The following STIM1 variants were observed in gnomAD, a reference collection of about 807,000 sequenced individuals.
The protein encoded by STIM1 is stromal interaction molecule 1.
A neutral mutation model predicts 74.7 loss-of-function variants in STIM1; 25 were observed. That is an observed-to-expected ratio of 0.33 (90% CI 0.24 to 0.47). STIM1 has a LOEUF of 0.47. Among genes scored for constraint, STIM1 ranks in the 20% least tolerant of loss-of-function variants. The pLI, the probability that STIM1 is intolerant of heterozygous loss-of-function variation, is 1.00. For synonymous variants in STIM1, 328 were observed against 348.8 expected (o/e 0.94, Z 0.66); for missense variants, 728 against 920.8 (o/e 0.79, Z 2.71).
chr11:4,091,696 T>A lies in STIM1; in HGVS notation c.2049T>A (p.Ala683=). The part of the protein sequence containing the change: ...TRIPHLAGKK[A]VAEEDNGSIG... ...TTCCCCACCTGGCTGGCAAGAAGGC[T>A]GTGGCTGAGGAGGATAATGGCTCTA... Residue 683 remains alanine (A), a synonymous_variant, in exon 13 of 13, where the codon GCT becomes GCA. Coordinates refer to ENST00000526596, the MANE Select transcript of STIM1 (RefSeq NM_001382567.1). 1 of 1,614,178 alleles carries A rather than the reference T, an allele frequency of 6.2e-7. No homozygotes were observed. Among genetic ancestry groups the A allele is most frequent in the South Asian group, 1.1e-5 (1 of 91,088 alleles).
intron 2 of STIM1, among the ~76,000 whole-genome samples, chr11:4,013,817 G>A (rs1355315385): frequency 6.9e-6 from 1 of 143,988 alleles, no homozygotes; most frequent in East Asian, 2.1e-4. Context: ...CCATTCTCCT[G>A]CCTCCGCCTC....
At chr11:3,871,526 C>A (rs2091097235) in intron 1 of STIM1, among the ~76,000 whole-genome samples, 1 of 152,070 alleles carries the variant, frequency 6.6e-6, no homozygotes, top group Admixed American at 6.5e-5. Context: ...GCTGTTTTGT[C>A]CAATATCTAG....
intron 1 of STIM1, among the ~76,000 whole-genome samples, chr11:3,863,496 G>T (rs1398438975): frequency 6.6e-6 from 1 of 151,738 alleles, no homozygotes; most frequent in Non-Finnish European, 1.5e-5. Flanking sequence ...GGACTCAAGG[G>T]ATCTTCCCAG....
chr11:4,061,094 TTGTAATA>T (rs1386338467), intron 5 of STIM1, among the ~76,000 whole-genome samples: 1 of 152,234 alleles, frequency 6.6e-6, no homozygotes, highest in Non-Finnish European at 1.5e-5. Context: ...TTCCTTAGCC[TTGTAATA>T]TATATTATCA....
intron 1 of STIM1, among the ~76,000 whole-genome samples, chr11:3,864,466 A>G (rs1404628572): frequency 6.6e-6 from 1 of 152,092 alleles, no homozygotes; most frequent in Non-Finnish European, 1.5e-5. Context: ...GCTAATTCAC[A>G]TGGTTGTTGG....
At chr11:4,045,792 G>C (rs1296844090) in intron 3 of STIM1, among the ~76,000 whole-genome samples, 1 of 113,644 alleles carries the variant, frequency 8.8e-6, no homozygotes, top group Non-Finnish European at 1.8e-5. Flanking sequence ...TTGAGACGAA[G>C]TTTTGCTCTG....
At chr11:3,867,390 T>C (rs569134112) in intron 1 of STIM1, 1 of 152,352 alleles carries the variant, frequency 6.6e-6, no homozygotes, top group East Asian at 1.9e-4. Context: ...GGCAAGGCCT[T>C]CTTGGGTCTT....
intron 9 of STIM1, 110 bp downstream of exon 9, chr11:4,083,092 T>A: frequency 8.5e-7 from 1 of 1,176,158 alleles, no homozygotes; most frequent in Non-Finnish European, 1.3e-6. Context: ...GAGGGACAGC[T>A]CTGGTCTCCT....
chr11:3,917,635 AT>A (rs2135507674), intron 1 of STIM1, among the ~76,000 whole-genome samples: 1 of 152,092 alleles, frequency 6.6e-6, no homozygotes, highest in South Asian at 2.1e-4. Context: ...GGATTTTGCC[AT>A]GTTGCCCAGG....
At chr11:4,060,947 C>T (rs1456298782) in intron 5 of STIM1, among the ~76,000 whole-genome samples, 1 of 152,140 alleles carries the variant, frequency 6.6e-6, no homozygotes, top group Non-Finnish European at 1.5e-5. Flanking sequence ...TAAACTCTCC[C>T]TATGTTAACA....
At chr11:3,958,377 A>G (rs1223220409) in intron 1 of STIM1, among the ~76,000 whole-genome samples, 2 of 152,130 alleles carry the variant, frequency 1.3e-5, no homozygotes, top group Non-Finnish European at 2.9e-5. Context: ...TAGAATCTGT[A>G]GTGATTTGTG....
In STIM1 at chr11:4,023,893, T is replaced by C. The variant is rs754111176; in HGVS notation, c.291T>C (p.Asn97=). ...ESDEFLREDL[N]YHDPTVKHST... ...TGCAGTTCCTGAGGGAAGACCTCAA[T>C]TACCATGACCCAACAGTGAAACACA... is the stretch of plus-strand genomic sequence containing the variant. The change falls in exon 3 of 13, where the codon AAT becomes AAC. Residue 97 remains asparagine, a synonymous_variant. Transcript: ENST00000526596. 6.2e-7 allele frequency: 1 copy of C among 1,613,936 alleles called. No homozygotes were observed. The highest frequency in any genetic ancestry group is 8.5e-7 in the Non-Finnish European group (1 of 1,179,916).
At chr11:3,980,995 G>A (rs1468912286) in intron 2 of STIM1, among the ~76,000 whole-genome samples, 2 of 152,058 alleles carry the variant, frequency 1.3e-5, no homozygotes, top group Non-Finnish European at 2.9e-5. Context: ...CTTCATCCAA[G>A]AAATATATAT....
intron 1 of STIM1, among the ~76,000 whole-genome samples, chr11:3,929,070 C>G (rs1028769795): frequency 8.6e-5 from 13 of 152,016 alleles, no homozygotes; most frequent in African/African-American, 2.9e-4. Context: ...AGGTTGGTCT[C>G]GAACTCCTGA....
chr11:3,961,858 G>A (rs978761400), intron 1 of STIM1, among the ~76,000 whole-genome samples: 9 of 151,912 alleles, frequency 5.9e-5, no homozygotes, highest in Non-Finnish European at 1.0e-4. Flanking sequence ...GTTGAATTTA[G>A]GATAAAGCAT....
intron 2 of STIM1, among the ~76,000 whole-genome samples, chr11:3,973,641 C>T (rs1372507895): frequency 6.6e-6 from 1 of 152,124 alleles, no homozygotes; most frequent in African/African-American, 2.4e-5. Flanking sequence ...CAAGTGATCC[C>T]CTGCCTCGGC....
intron 1 of STIM1, among the ~76,000 whole-genome samples, chr11:3,874,039 C>G (rs751798791): frequency 6.6e-6 from 1 of 152,172 alleles, no homozygotes; most frequent in Non-Finnish European, 1.5e-5. Flanking sequence ...CCTAGAGTAC[C>G]AGAAGTTGGC....
At chr11:3,914,681 C>A (rs915252076) in intron 1 of STIM1, among the ~76,000 whole-genome samples, 19 of 152,270 alleles carry the variant, frequency 1.2e-4, no homozygotes, top group Non-Finnish European at 2.8e-4. Flanking sequence ...ACCTCGTGAT[C>A]CGCCCGCCTC....
At chr11:4,024,789 C>A (rs16929493) in intron 3 of STIM1, among the ~76,000 whole-genome samples, 8,074 of 152,032 alleles carry the variant, frequency 0.053, 673 homozygotes, top group African/African-American at 0.18. Context: ...CCATGATTAC[C>A]ATTTTTTTTT....
Sources: gnomAD v4.1 joint callset for allele counts (sites outside exome capture counted in the v4.1 genomes callset) on GRCh38, gnomAD v4.1.1 for gene constraint, MANE v1.5 for transcripts, NCBI Gene and HGNC (gene_info 2026-07-23, HGNC 2026-07-21) for gene names.